Variants in EPHA5 observed in about 807,000 individuals in gnomAD.
EPHA5 encodes the protein ephrin type-A receptor 5.
Under a neutral mutation model 105.0 loss-of-function variants are expected in EPHA5, and 60 were observed. That is an observed-to-expected ratio of 0.57 (90% confidence interval 0.46 to 0.71). EPHA5 has a LOEUF of 0.71. EPHA5 is among the 30% of genes least tolerant of loss of function. EPHA5 has a pLI of 0.00. For synonymous variants in EPHA5, 513 were observed against 449.1 expected (o/e 1.14, Z -1.80); for missense variants, 1,218 against 1,274.7 (o/e 0.96, Z 0.68).
At chr4:65,635,502 C>T (rs2149498768) in intron 2 of EPHA5, among the ~76,000 whole-genome samples, 1 of 152,166 alleles carries the variant, frequency 6.6e-6, no homozygotes, top group African/African-American at 2.4e-5. Context: ...CCATTGTGTG[C>T]TAGAGGAAGC....
intron 7 of EPHA5, among the ~76,000 whole-genome samples, chr4:65,407,471 C>T (rs1722470348): frequency 6.6e-6 from 1 of 151,522 alleles, no homozygotes; most frequent in Non-Finnish European, 1.5e-5. Context: ...AAATATATTG[C>T]ATTAAAATAA....
intron 5 of EPHA5, among the ~76,000 whole-genome samples, chr4:65,428,786 T>G (rs1048708288): frequency 5.3e-5 from 8 of 151,994 alleles, no homozygotes; most frequent in Non-Finnish European, 1.2e-4. Context: ...TGATTACAGT[T>G]CATAGTTGAA....
intron 3 of EPHA5, among the ~76,000 whole-genome samples, chr4:65,550,748 A>G (rs867556568): frequency 6.6e-6 from 1 of 152,116 alleles, no homozygotes; most frequent in South Asian, 2.1e-4. Context: ...AGGCAGGAGA[A>G]TCCCTTGAAC....
chr4:65,520,461 T>G lies in EPHA5; in HGVS notation c.911-24918A>C, dbSNP rs990059844. Among the ~76,000 whole-genome samples, 7 of 152,120 alleles carry G rather than the reference T, an allele frequency of 4.6e-5. No individual in the cohort carries two copies. In the South Asian group the frequency reaches 1.4e-3, roughly 32 times the overall value. Reference sequence around the variant, plus strand: ...CTAAGCAATACCATTCAGGTCATGGTCATGGGCAAGGACTTCATGTCTAAA... The same window carrying G: ...CTAAGCAATACCATTCAGGTCATGGGCATGGGCAAGGACTTCATGTCTAAA... On this transcript the variant is annotated intron_variant, in intron 3 of 16. Coordinates refer to ENST00000613740, the MANE Select transcript of EPHA5 (RefSeq NM_001281766.3).
At chr4:65,490,285 C>T (rs541259024) in intron 5 of EPHA5, 92 bp downstream of exon 5, 1 of 1,270,712 alleles carries the variant, frequency 7.9e-7, no homozygotes, top group South Asian at 1.4e-5. Context: ...GGAAAATTCT[C>T]ACACAGATTT....
At chr4:65,554,978 CAGCAAAAAAAAA>C in intron 3 of EPHA5, among the ~76,000 whole-genome samples, 1 of 38,530 alleles carries the variant, frequency 2.6e-5, no homozygotes, top group East Asian at 8.4e-4. Flanking sequence ...CCCTATACAA[CAGCAAAAAAAAA>C]AAAAAAAAAA....
chr4:65,454,687 G>C (rs1057337980), intron 5 of EPHA5, among the ~76,000 whole-genome samples: 1 of 152,154 alleles, frequency 6.6e-6, no homozygotes, highest in Non-Finnish European at 1.5e-5. Flanking sequence ...TTTGGAAATT[G>C]ATGCCTATTA....
At chr4:65,658,947 T>C (rs1006017946) in intron 1 of EPHA5, among the ~76,000 whole-genome samples, 3 of 152,118 alleles carry the variant, frequency 2.0e-5, no homozygotes, top group African/African-American at 7.2e-5. Context: ...AATACCATTT[T>C]TCATAATATA....
At chr4:65,482,306 AC>A (rs1216015444) in intron 5 of EPHA5, among the ~76,000 whole-genome samples, 256 of 151,012 alleles carry the variant, frequency 1.7e-3, no homozygotes, top group Middle Eastern at 6.8e-3. Flanking sequence ...AAAAAAAAAA[AC>A]AACCTGTGAA....
intron 3 of EPHA5, among the ~76,000 whole-genome samples, chr4:65,535,389 G>A (rs1469705837): frequency 6.6e-6 from 1 of 152,072 alleles, no homozygotes; most frequent in Non-Finnish European, 1.5e-5. Flanking sequence ...AAGGGTGACT[G>A]CCCGCACGTA....
rs77407591 is a variant in EPHA5, at chr4:65,414,389, C to G, written c.1582G>C (p.Glu528Gln). 9.1e-4 allele frequency: 1,467 copies of G among 1,614,002 alleles called. 15 individuals carry two copies. The African/African-American group carries it at 0.018, about 19-fold the overall frequency. Residue 528 changes from glutamate (E) to glutamine (Q), a missense_variant, in exon 7 of 17, where the codon GAG becomes CAG. Coordinates refer to ENST00000613740, the MANE Select transcript of EPHA5 (RefSeq NM_001281766.3). ...IKSKETTITA[E>Q]GLKPASVYVF... Reference sequence around the variant, plus strand: ...TAAACTGAAGCTGGTTTCAAGCCCTCTGCAGTAATAGTTGTCTCTTTAGAT... The same window carrying G: ...TAAACTGAAGCTGGTTTCAAGCCCTGTGCAGTAATAGTTGTCTCTTTAGAT...
chr4:65,430,292 C>A (rs1032196744), intron 5 of EPHA5, among the ~76,000 whole-genome samples: 6 of 151,732 alleles, frequency 4.0e-5, no homozygotes, highest in African/African-American at 1.5e-4. Flanking sequence ...GAACAGTAGT[C>A]TAGATTCCTA....
chr4:65,397,610 GTT>G (rs35764521), intron 8 of EPHA5, among the ~76,000 whole-genome samples: 15 of 149,510 alleles, frequency 1.0e-4, no homozygotes, highest in South Asian at 2.1e-4. Context: ...TAGATTTCTA[GTT>G]TTTTTTTTTC....
intron 14 of EPHA5, among the ~76,000 whole-genome samples, chr4:65,341,893 A>C (rs1721762133): frequency 6.6e-6 from 1 of 152,092 alleles, no homozygotes; most frequent in South Asian, 2.1e-4. Flanking sequence ...TTATGAATAT[A>C]TTTCTGGAAG....
chr4:65,510,103 C>T (rs1160067307), intron 3 of EPHA5, among the ~76,000 whole-genome samples: 2 of 149,836 alleles, frequency 1.3e-5, no homozygotes, highest in African/African-American at 4.9e-5. Flanking sequence ...GGCGAGATCT[C>T]CCCCCACTGC....
intron 3 of EPHA5, among the ~76,000 whole-genome samples, chr4:65,517,264 A>G (rs1398015824): frequency 6.6e-6 from 1 of 151,772 alleles, no homozygotes; most frequent in Non-Finnish European, 1.5e-5. Flanking sequence ...TCTTTATCCA[A>G]TATTAATAAC....
chr4:65,446,205 T>C (rs1415807957), intron 5 of EPHA5, among the ~76,000 whole-genome samples: 1 of 152,172 alleles, frequency 6.6e-6, no homozygotes, highest in Non-Finnish European at 1.5e-5. Context: ...GTACCAATTG[T>C]CTATTATTTT....
intron 5 of EPHA5, among the ~76,000 whole-genome samples, chr4:65,466,127 C>T (rs748994075): frequency 4.6e-5 from 7 of 152,226 alleles, no homozygotes; most frequent in Non-Finnish European, 8.8e-5. Flanking sequence ...TGTGTGTGGG[C>T]ATGTGTGCCC....
chr4:65,410,121 T>A (rs1312835515), intron 7 of EPHA5, among the ~76,000 whole-genome samples: 1 of 152,216 alleles, frequency 6.6e-6, no homozygotes, highest in East Asian at 1.9e-4. Flanking sequence ...ATGTTTACAG[T>A]ATCTTTATTT....
Sources: gnomAD v4.1 joint callset for allele counts (sites outside exome capture counted in the v4.1 genomes callset) on GRCh38, gnomAD v4.1.1 for gene constraint, MANE v1.5 for transcripts, NCBI Gene and HGNC (gene_info 2026-07-23, HGNC 2026-07-21) for gene names.